Variants in CBLN2 observed in about 807,000 individuals in gnomAD.
The protein encoded by CBLN2 is cerebellin 2 precursor.
Under a neutral mutation model 15.0 loss-of-function variants are expected in CBLN2, and 7 were observed. That is an observed-to-expected ratio of 0.47 (90% confidence interval 0.27 to 0.88). CBLN2 has a LOEUF of 0.88. Ranked by LOEUF, CBLN2 falls within the 40% of genes least tolerant of loss-of-function variation. The pLI is 0.14. For synonymous variants in CBLN2, 149 were observed against 135.2 expected (o/e 1.10, Z -0.71); for missense variants, 242 against 304.5 (o/e 0.79, Z 1.53).
Position 72,575,716 on chromosome 18 carries a change from T to C in CBLN2, c.16-36944A>G, listed in dbSNP as rs114549297. On this transcript the variant is annotated intron_variant, in intron 1 of 2. Transcript: ENST00000581073. Reference sequence around the variant, plus strand: ...GAGGCTGAGGATGCAGGCGATTTTGTTGATGCTGGACTGGGATTCTAAAAG... The same window carrying C: ...GAGGCTGAGGATGCAGGCGATTTTGCTGATGCTGGACTGGGATTCTAAAAG... Among the ~76,000 whole-genome samples the C allele has an allele frequency of 5.0e-3, 764 of 152,190 alleles. 9 individuals carry two copies. The highest frequency in any genetic ancestry group is 0.018 in the African/African-American group (727 of 41,514).
intron 1 of CBLN2, among the ~76,000 whole-genome samples, chr18:72,551,557 C>T (rs1334101671): frequency 2.6e-5 from 4 of 152,256 alleles, no homozygotes; most frequent in South Asian, 2.1e-4. Context: ...ACCATCCTTG[C>T]GCTCCTTGAA....
intron 1 of CBLN2, among the ~76,000 whole-genome samples, chr18:72,571,874 A>G (rs1014665243): frequency 6.6e-6 from 1 of 152,182 alleles, no homozygotes; most frequent in African/African-American, 2.4e-5. Context: ...TTATTGATTA[A>G]TGTAAGAGTA....
At chr18:72,607,515 G>A (rs181458913) in intron 1 of CBLN2, among the ~76,000 whole-genome samples, 1 of 152,252 alleles carries the variant, frequency 6.6e-6, no homozygotes, top group East Asian at 1.9e-4. Context: ...AAGTCTAAAA[G>A]CTTTCTTCCT....
intron 1 of CBLN2, among the ~76,000 whole-genome samples, chr18:72,574,302 T>C (rs2069350827): frequency 6.6e-6 from 1 of 152,242 alleles, no homozygotes; most frequent in South Asian, 2.1e-4. Flanking sequence ...TTTTACGGAT[T>C]GTGCATTTGG....
intron 1 of CBLN2, among the ~76,000 whole-genome samples, chr18:72,562,285 G>T (rs1267080335): frequency 6.6e-6 from 1 of 152,182 alleles, no homozygotes; most frequent in East Asian, 1.9e-4. Context: ...TGGTGGAAAA[G>T]AGGATAAAAT....
intron 1 of CBLN2, among the ~76,000 whole-genome samples, chr18:72,628,137 C>T (rs758686878): frequency 6.6e-6 from 1 of 152,180 alleles, no homozygotes; most frequent in Admixed American, 6.5e-5. Context: ...TTGGTCCTGC[C>T]TGTAGAAGAC....
chr18:72,611,050 T>C (rs1293458249), intron 1 of CBLN2, among the ~76,000 whole-genome samples: 1 of 152,216 alleles, frequency 6.6e-6, no homozygotes, highest in Admixed American at 6.5e-5. Context: ...GCTGCATCCA[T>C]GTTGCTGCAA....
chr18:72,637,517 G>A (rs2069821803), intron 1 of CBLN2, among the ~76,000 whole-genome samples: 2 of 152,192 alleles, frequency 1.3e-5, no homozygotes, highest in Non-Finnish European at 2.9e-5. Context: ...CGACAGCAGC[G>A]TGCTCCATGT....
intron 1 of CBLN2, among the ~76,000 whole-genome samples, chr18:72,585,780 G>A (rs898525848): frequency 6.6e-6 from 1 of 152,188 alleles, no homozygotes; most frequent in Non-Finnish European, 1.5e-5. Flanking sequence ...CACATGCCAA[G>A]CCACCCTCAG....
At chr18:72,635,724 G>A (rs950730737) in intron 1 of CBLN2, among the ~76,000 whole-genome samples, 11 of 152,102 alleles carry the variant, frequency 7.2e-5, no homozygotes, top group Non-Finnish European at 5.9e-5. Context: ...ATCTTTAAAA[G>A]TCCAACTAGG....
intron 1 of CBLN2, among the ~76,000 whole-genome samples, chr18:72,582,697 A>G (rs2069414012): frequency 6.6e-6 from 1 of 152,150 alleles, no homozygotes; most frequent in African/African-American, 2.4e-5. Flanking sequence ...GTTTAAGAGC[A>G]GGGGCCCACA....
At chr18:72,632,016 C>A (rs546459294) in intron 1 of CBLN2, among the ~76,000 whole-genome samples, 89 of 152,054 alleles carry the variant, frequency 5.9e-4, no homozygotes, top group African/African-American at 2.0e-3. Flanking sequence ...ATCCTCTTAC[C>A]TCAATCCATT....
At chr18:72,541,673 G>T in intron 3 of CBLN2, 131 bp downstream of exon 3, 1 of 656,038 alleles carries the variant, frequency 1.5e-6, no homozygotes, top group Non-Finnish European at 2.5e-6. Flanking sequence ...GGAGGAAAGA[G>T]ACTAGCAGGG....
At chr18:72,561,794 C>T (rs1185874468) in intron 1 of CBLN2, among the ~76,000 whole-genome samples, 1 of 152,030 alleles carries the variant, frequency 6.6e-6, no homozygotes, top group Non-Finnish European at 1.5e-5. Flanking sequence ...GTCCGTGCGG[C>T]AATAACATGT....
intron 1 of CBLN2, among the ~76,000 whole-genome samples, chr18:72,567,688 T>C (rs1297565124): frequency 6.6e-6 from 1 of 152,224 alleles, no homozygotes; most frequent in African/African-American, 2.4e-5. Flanking sequence ...TCTTTCCTTT[T>C]CTCTTTCTCT....
At chr18:72,544,645 A>T (rs916373062), upstream of CBLN2, 6 of 152,054 alleles carry the variant, frequency 3.9e-5, no homozygotes, top group Non-Finnish European at 8.8e-5. Context: ...TAATAATGAT[A>T]GCAACCACAA....
chr18:72,546,233 T>G (rs373351172), upstream of CBLN2, among the ~76,000 whole-genome samples: 2 of 152,060 alleles, frequency 1.3e-5, no homozygotes, highest in Non-Finnish European at 2.9e-5. Context: ...GTCAGGAGAT[T>G]GAGACCATCC....
chr18:72,631,003 ATTG>A (rs2069772551), intron 1 of CBLN2: 2 of 152,282 alleles, frequency 1.3e-5, no homozygotes, highest in Admixed American at 1.3e-4. Flanking sequence ...ACGAAGAAAA[ATTG>A]TTACCTGTCT....
intron 1 of CBLN2, among the ~76,000 whole-genome samples, chr18:72,576,499 A>G (rs1226106757): frequency 6.6e-6 from 1 of 152,206 alleles, no homozygotes; most frequent in Non-Finnish European, 1.5e-5. Flanking sequence ...GTTATACAAA[A>G]TGAAATGAAA....
Sources: gnomAD v4.1 joint callset for allele counts (sites outside exome capture counted in the v4.1 genomes callset) on GRCh38, gnomAD v4.1.1 for gene constraint, MANE v1.5 for transcripts, NCBI Gene and HGNC (gene_info 2026-07-23, HGNC 2026-07-21) for gene names.